DOK1: variants seen among roughly 807,000 people sequenced by gnomAD.
DOK1 encodes docking protein 1.
A neutral mutation model predicts 24.0 loss-of-function variants in DOK1; 12 were observed. The observed-to-expected ratio is 0.50, with a 90% CI of 0.32 to 0.81. DOK1 has a LOEUF of 0.81. Ranked by LOEUF, DOK1 falls within the 30% of genes least tolerant of loss-of-function variation. The pLI, the probability that DOK1 is intolerant of heterozygous loss-of-function variation, is 0.03. For synonymous variants in DOK1, 250 were observed against 260.9 expected, an observed-to-expected ratio of 0.96 and a Z score of 0.40; for missense variants, 591 against 620.7, an observed-to-expected ratio of 0.95 and a Z score of 0.51.
rs1677478726 is a variant in DOK1 at position 74,556,504 on chromosome 2, T to G, written c.836T>G (p.Leu279Trp). The G allele has an allele frequency of 6.2e-7, 1 of 1,613,974 alleles. No individual in the cohort carries two copies. Among genetic ancestry groups the G allele is most frequent in the Non-Finnish European group, 8.5e-7 (1 of 1,180,006 alleles). Residue 279 changes from leucine to tryptophan, a missense_variant, in exon 5 of 5, where the codon TTG becomes TGG. Leu to Trp is a moderately conservative substitution (Grantham distance 61, BLOSUM62 -2). Coordinates refer to ENST00000233668, the MANE Select transcript of DOK1 (RefSeq NM_001381.5). This position sits in a 1 kb window ranked among gnomAD's most constrained non-coding sequence, Gnocchi z 4.1. ...GAAGGGGAGGTGGCAGAGGGGAAGT[T>G]GCCTTCCCCACCTGGCCCCCAAGAG... ...SHEGEVAEGK[L>W]PSPPGPQELL... is the part of the protein sequence containing the mutation.
chr2:74,552,633 A>G (rs752425378), upstream of DOK1: 1 of 1,547,642 alleles, frequency 6.5e-7, no homozygotes, highest in South Asian at 1.2e-5. Context: ...GACAGGTCGC[A>G]TGGCAGGGAA....
chr2:74,554,657 C>A, upstream of DOK1: 1 of 1,255,404 alleles, frequency 8.0e-7, no homozygotes, highest in Non-Finnish European at 1.1e-6. This position sits in a 1 kb window ranked among gnomAD's most constrained non-coding sequence, Gnocchi z 4.9. Context: ...CCGGCGGGGG[C>A]CGGGGAGGGG....
In DOK1 at chr2:74,556,742, G is replaced by A. The variant is rs1382139948; in HGVS notation, c.1074G>A (p.Glu358=). The A allele has an allele frequency of 3.1e-6, 5 of 1,614,098 alleles. No individual in the cohort carries two copies. Among genetic ancestry groups the A allele is most frequent in the Non-Finnish European group, 4.2e-6 (5 of 1,180,048 alleles). Residue 358 remains glutamate, a synonymous_variant, in exon 5 of 5, where the codon GAG becomes GAA. Coordinates refer to ENST00000233668, the MANE Select transcript of DOK1 (RefSeq NM_001381.5). The surrounding 1 kb of genome is among the most constrained non-coding windows in gnomAD (Gnocchi z 4.1). The stretch of plus-strand genomic sequence containing the variant: ...AGGCCAAGCTGACAGACCCCAAAGA[G>A]GATCCCATCTATGATGAACCTGAGG... ...LLKAKLTDPK[E]DPIYDEPEGL... is the part of the protein sequence containing the mutation.
chr2:74,552,743 C>T, upstream of DOK1: 6 of 1,066,076 alleles, frequency 5.6e-6, no homozygotes, highest in Non-Finnish European at 6.6e-6. Flanking sequence ...AAAACAGACA[C>T]TGAGTAAGAC....
At chr2:74,551,686 C>T (rs1004380170), upstream of DOK1, among the ~76,000 whole-genome samples, 43 of 152,256 alleles carry the variant, frequency 2.8e-4, no homozygotes, top group African/African-American at 1.0e-3. Context: ...ACACTTAATT[C>T]CACAGGTGGT....
At chr2:74,550,040 G>A, upstream of DOK1, 1 of 1,471,550 alleles carries the variant, frequency 6.8e-7, no homozygotes, top group South Asian at 1.5e-5. Flanking sequence ...CAGCATCTGG[G>A]AGCTCTATCA....
In DOK1 at chr2:74,555,869, C is replaced by T; in HGVS notation, c.455-25C>T. The T allele has an allele frequency of 6.3e-7, 1 of 1,591,326 alleles. No individual in the cohort carries two copies. The highest frequency in any genetic ancestry group is 2.2e-5 in the East Asian group (1 of 44,644). ...TGCTGCCCCCGTCCCTCCCCCGCAG[C>T]TGTCTAATCGTGTATGCCTTCCAGG... is the stretch of plus-strand genomic sequence containing the variant. On this transcript the variant is annotated intron_variant, in intron 3 of 4. Coordinates refer to ENST00000233668, the MANE Select transcript of DOK1 (RefSeq NM_001381.5). This position sits in a 1 kb window ranked among gnomAD's most constrained non-coding sequence, Gnocchi z 6.1.
chr2:74,549,228 T>G lies in DOK1; in HGVS notation c.-358+56T>G. ...ACAAGATTTCCCAACTCTCCAGCTT[T>G]GCAACGGCCTCCATATTTTCCCGCG... On this transcript the variant is annotated intron_variant, in intron 1 of 4. Transcript: ENST00000409429. The surrounding 1 kb of genome is among the most constrained non-coding windows in gnomAD (Gnocchi z 5.3). 1.1e-6 allele frequency: 1 copy of G among 935,744 alleles called. No individual in the cohort carries two copies. 58.0% of individuals were successfully genotyped at this position (935,744 alleles called of 1,614,324 possible). A position where few individuals can be genotyped will look rare whatever the true frequency, so the allele number is the denominator to read the frequency against.
upstream of DOK1, chr2:74,554,616 C>T (rs1374100525): frequency 6.6e-6 from 5 of 762,098 alleles, no homozygotes; most frequent in African/African-American, 1.8e-5. This position sits in a 1 kb window ranked among gnomAD's most constrained non-coding sequence, Gnocchi z 4.9. Context: ...CGCTCCTCTC[C>T]CTCACCCCAC....
Position 74,549,328 on chromosome 2 carries a change from C to T in DOK1, c.-358+156C>T. 1 of 1,525,030 alleles carries T rather than the reference C, an allele frequency of 6.6e-7. No individual in the cohort carries two copies. The highest frequency in any genetic ancestry group is 8.8e-7 in the Non-Finnish European group (1 of 1,131,484). The allele number at this position is 1,525,030 out of a possible 1,614,324, so 94.5% of individuals were successfully genotyped here. A position where few individuals can be genotyped will look rare whatever the true frequency, so the allele number is the denominator to read the frequency against. On this transcript the variant is annotated intron_variant, in intron 1 of 4. Coordinates refer to the DOK1 transcript ENST00000409429. The surrounding 1 kb of genome is among the most constrained non-coding windows in gnomAD (Gnocchi z 5.3). ...CCAAGGCTATTCATCAGGGAGCACC[C>T]CAATCCCGGCCTGCTCCGCCCGGCG...
rs1676822792 is a variant in DOK1 at position 74,549,201 on chromosome 2, C to T, written c.-358+29C>T. ...CTCCCTTGGGGCACCTTTCGTGGTCCCACAAGATTTCCCAACTCTCCAGCT... is the reference window on the plus strand; with the variant it reads ...CTCCCTTGGGGCACCTTTCGTGGTCTCACAAGATTTCCCAACTCTCCAGCT... On this transcript the variant is annotated intron_variant, in intron 1 of 4. Transcript: ENST00000409429. The surrounding 1 kb of genome is among the most constrained non-coding windows in gnomAD (Gnocchi z 5.3). 1 of 726,904 alleles carries T rather than the reference C, an allele frequency of 1.4e-6. No individual in the cohort carries two copies. The highest frequency in any genetic ancestry group is 2.4e-5 in the South Asian group (1 of 42,426). 45.0% of individuals were successfully genotyped at this position (726,904 alleles called of 1,614,324 possible).
chr2:74,556,617 G>A lies in DOK1; in HGVS notation c.949G>A (p.Asp317Asn), dbSNP rs1285742896. Residue 317 changes from aspartate to asparagine, a missense_variant, in exon 5 of 5, where the codon GAC (aspartate) becomes AAC (asparagine). Transcript: ENST00000233668. The surrounding 1 kb of genome is among the most constrained non-coding windows in gnomAD (Gnocchi z 4.1). ...CCCTTCCCAGGACTCCCTATACTCAGACCCCTTGGACAGCACGTCTGCTCA... is the reference window on the plus strand; with the variant it reads ...CCCTTCCCAGGACTCCCTATACTCAAACCCCTTGGACAGCACGTCTGCTCA... ...PCPSQDSLYS[D>N]PLDSTSAQAG... The A allele has an allele frequency of 5.6e-6, 9 of 1,614,254 alleles. No homozygotes were observed. Among genetic ancestry groups the A allele is most frequent in the Non-Finnish European group, 7.6e-6 (9 of 1,180,050 alleles).
In DOK1 at chr2:74,556,249, G is replaced by A. The variant is rs1012934947; in HGVS notation, c.640-59G>A. 3.2e-6 allele frequency: 5 copies of A among 1,574,314 alleles called. No homozygotes were observed. Among genetic ancestry groups the A allele is most frequent in the South Asian group, 2.4e-5 (2 of 84,752 alleles). The stretch of plus-strand genomic sequence containing the variant: ...TGTAGATACCCTAACTAGTGCAGGC[G>A]TGTGACTCACTTCCTCTGATGGCTC... On this transcript the variant is annotated intron_variant, in intron 4 of 4. Transcript: ENST00000233668. This position sits in a 1 kb window ranked among gnomAD's most constrained non-coding sequence, Gnocchi z 4.1.
rs751436681 is a variant in DOK1, at chr2:74,555,139, TC to T, written c.61-14del. ...GCACGCCACTCCCTCTCGAGCACTCTCTCTCTCTCCCTAGAGGTGGAGGAAG... is the reference window on the plus strand; with the variant it reads ...GCACGCCACTCCCTCTCGAGCACTCTTCTCTCTCCCTAGAGGTGGAGGAAG... On this transcript the variant is annotated splice_polypyrimidine_tract_variant and intron_variant, in intron 1 of 4. Coordinates refer to ENST00000233668, the MANE Select transcript of DOK1 (RefSeq NM_001381.5). The surrounding 1 kb of genome is among the most constrained non-coding windows in gnomAD (Gnocchi z 6.1). 5.6e-6 allele frequency: 9 copies of T among 1,601,994 alleles called. No individual in the cohort carries two copies. The highest frequency in any genetic ancestry group is 7.7e-6 in the Non-Finnish European group (9 of 1,173,040).
upstream of DOK1, among the ~76,000 whole-genome samples, chr2:74,552,043 G>A (rs1354969061): frequency 6.6e-6 from 1 of 152,192 alleles, no homozygotes; most frequent in Admixed American, 6.5e-5. Context: ...TTTTGTGGAT[G>A]GCTTTGTAGG....
chr2:74,553,241 G>A (rs1677140119), upstream of DOK1, among the ~76,000 whole-genome samples: 1 of 152,150 alleles, frequency 6.6e-6, no homozygotes, highest in African/African-American at 2.4e-5. Flanking sequence ...AGGCGGCCCT[G>A]GGATCACAGA....
Position 74,554,725 on chromosome 2 carries a change from C to CAGGAAGCGCGGA in DOK1, c.-24_-13dup. ...CCCGCCCCGCCTCCCGCCGCAGGGCCAGGAAGCGCGGAAGGAACCGCCGGG... is the reference window on the plus strand; with the variant it reads ...CCCGCCCCGCCTCCCGCCGCAGGGCCAGGAAGCGCGGAAGGAAGCGCGGAAGGAACCGCCGGG... On this transcript the variant is annotated 5_prime_UTR_variant, in exon 1 of 5. Coordinates refer to ENST00000233668, the MANE Select transcript of DOK1 (RefSeq NM_001381.5). This position sits in a 1 kb window ranked among gnomAD's most constrained non-coding sequence, Gnocchi z 4.9. 1 of 1,611,106 alleles carries CAGGAAGCGCGGA rather than the reference C, an allele frequency of 6.2e-7. No homozygotes were observed. The highest frequency in any genetic ancestry group is 8.5e-7 in the Non-Finnish European group (1 of 1,178,890).
Position 74,549,552 on chromosome 2 carries a change from C to G in DOK1, c.-358+380C>G. The G allele has an allele frequency of 6.2e-7, 1 of 1,611,296 alleles. No individual in the cohort carries two copies. The highest frequency in any genetic ancestry group is 8.5e-7 in the Non-Finnish European group (1 of 1,178,148). ...GCCCCACCCAACGGCGGGTCGAATT[C>G]GCACCTCCTCCACTTGCAGGTGATG... On this transcript the variant is annotated intron_variant, in intron 1 of 4. Coordinates refer to the DOK1 transcript ENST00000409429. The surrounding 1 kb of genome is among the most constrained non-coding windows in gnomAD (Gnocchi z 5.3).
chr2:74,552,163 G>C (rs557258417), upstream of DOK1, among the ~76,000 whole-genome samples: 106 of 152,326 alleles, frequency 7.0e-4, 1 homozygote, highest in Admixed American at 1.5e-3. Context: ...ACAGCTCTGG[G>C]AAGTAACTAT....
Sources: allele counts gnomAD v4.1 joint callset (sites outside exome capture counted in the v4.1 genomes callset), GRCh38; gene constraint gnomAD v4.1.1; non-coding constraint Gnocchi (gnomAD v3.1); transcripts MANE v1.5; gene names NCBI Gene and HGNC (gene_info 2026-07-23, HGNC 2026-07-21).